The following ZFP14 variants were observed in gnomAD, a reference collection of about 807,000 sequenced individuals.
The protein encoded by ZFP14 is zinc finger protein 14 homolog.
A neutral mutation model predicts 54.5 loss-of-function variants in ZFP14; 22 were observed. That is an observed-to-expected ratio of 0.40 (90% CI 0.29 to 0.58). ZFP14 has a LOEUF of 0.58. ZFP14 is among the 20% of genes least tolerant of loss of function. The pLI is 0.39. For synonymous variants in ZFP14, 159 were observed against 204.0 expected, an observed-to-expected ratio of 0.78 and a Z score of 1.88; for missense variants, 470 against 637.8, an observed-to-expected ratio of 0.74 and a Z score of 2.83.
intron 1 of ZFP14, among the ~76,000 whole-genome samples, chr19:36,371,037 C>A (rs1053432163): frequency 2.6e-5 from 4 of 151,944 alleles, no homozygotes; most frequent in Non-Finnish European, 5.9e-5. Context: ...CCGAGGCAGG[C>A]GGATCACGAG....
In ZFP14 at chr19:36,337,826, T is replaced by C. The variant is rs1019222758; in HGVS notation, c.*2398A>G. 1 of 152,200 alleles carries C rather than the reference T, an allele frequency of 6.6e-6. No individual in the cohort carries two copies. The highest frequency in any genetic ancestry group is 1.5e-5 in the Non-Finnish European group (1 of 68,046). The allele number at this position is 152,200 out of a possible 1,614,324, so 9.4% of individuals were successfully genotyped here. A position where few individuals can be genotyped will look rare whatever the true frequency, so the allele number is the denominator to read the frequency against. The stretch of plus-strand genomic sequence containing the variant: ...AAGGGTTCAGAGGTGGCCAGTTTGA[T>C]AGATCCACCATAAAAATCTCGCTAT... On this transcript the variant is annotated 3_prime_UTR_variant, in exon 5 of 5. Coordinates refer to ENST00000270001, the MANE Select transcript of ZFP14 (RefSeq NM_020917.3).
rs117562901 is a variant in ZFP14, at chr19:36,347,170, C to T, written c.236-5580G>A. ...CCTGCCAGCATCCATGACACTACGGCAAGCTAACTTGTCAGCTTGCAAGTA... is the reference window on the plus strand; with the variant it reads ...CCTGCCAGCATCCATGACACTACGGTAAGCTAACTTGTCAGCTTGCAAGTA... On this transcript the variant is annotated intron_variant, in intron 4 of 4. Coordinates refer to ENST00000270001, the MANE Select transcript of ZFP14 (RefSeq NM_020917.3). Among the ~76,000 whole-genome samples, 16 of 152,260 alleles carry T rather than the reference C, an allele frequency of 1.1e-4. 1 individual carries two copies. In the East Asian group the frequency reaches 2.7e-3, roughly 26 times the overall value.
chr19:36,340,391 G>T lies in ZFP14; in HGVS notation c.1435C>A (p.Pro479Thr). Residue 479 changes from proline (P) to threonine (T), a missense_variant, in exon 5 of 5, where the codon CCT (proline) becomes ACT (threonine). Pro to Thr is a conservative substitution (Grantham distance 38). Coordinates refer to ENST00000270001, the MANE Select transcript of ZFP14 (RefSeq NM_020917.3). The surrounding 1 kb of genome is among the most constrained non-coding windows in gnomAD (Gnocchi z 5.4). ...TTACCACATTCCTTACATTCATAAGGTTTCTCACCAGTGTGAATACTCTGA... is the reference window on the plus strand; with the variant it reads ...TTACCACATTCCTTACATTCATAAGTTTTCTCACCAGTGTGAATACTCTGA... ...QHQSIHTGEK[P>T]YECKECGKAF... is the part of the protein sequence containing the mutation. 6.2e-7 allele frequency: 1 copy of T among 1,614,084 alleles called. No individual in the cohort carries two copies. Among genetic ancestry groups the T allele is most frequent in the Non-Finnish European group, 8.5e-7 (1 of 1,180,026 alleles).
At chr19:36,378,146 G>A (rs2031992598) in intron 1 of ZFP14, 1 of 152,234 alleles carries the variant, frequency 6.6e-6, no homozygotes, top group Non-Finnish European at 1.5e-5. Context: ...CCAGCTGAAA[G>A]ATTCTAAGGA....
intron 2 of ZFP14, among the ~76,000 whole-genome samples, chr19:36,367,590 C>T (rs1231908441): frequency 1.3e-5 from 2 of 152,084 alleles, no homozygotes; most frequent in Non-Finnish European, 2.9e-5. Flanking sequence ...CAGCAATTCT[C>T]CTGCCTCAGC....
In ZFP14 at chr19:36,340,092, G is replaced by T. The variant is rs1403811840; in HGVS notation, c.*132C>A. The T allele has an allele frequency of 1.0e-6, 1 of 973,808 alleles. No homozygotes were observed. Among genetic ancestry groups the T allele is most frequent in the African/African-American group, 1.6e-5 (1 of 60,690 alleles). 60.3% of individuals were successfully genotyped at this position (973,808 alleles called of 1,614,324 possible). Reference sequence around the variant, plus strand: ...AAACCATGTTTAAATGGTGTTGGAAGGCTTTTAAATCAACATATTCTTTCT... The same window carrying T: ...AAACCATGTTTAAATGGTGTTGGAATGCTTTTAAATCAACATATTCTTTCT... On this transcript the variant is annotated 3_prime_UTR_variant, in exon 5 of 5. Transcript: ENST00000270001. The surrounding 1 kb of genome is among the most constrained non-coding windows in gnomAD (Gnocchi z 5.4).
chr19:36,345,291 T>A (rs1404902520), intron 4 of ZFP14, among the ~76,000 whole-genome samples: 1 of 152,148 alleles, frequency 6.6e-6, no homozygotes, highest in Admixed American at 6.6e-5. Flanking sequence ...TGTTCCTTCA[T>A]ATCCTCCCCA....
intron 4 of ZFP14, among the ~76,000 whole-genome samples, chr19:36,345,062 G>C (rs1276898343): frequency 6.6e-6 from 1 of 152,124 alleles, no homozygotes; most frequent in Admixed American, 6.5e-5. Flanking sequence ...GGGAGTTCGA[G>C]AACAGCCTGA....
At chr19:36,361,305 T>C (rs752102876) in intron 3 of ZFP14, among the ~76,000 whole-genome samples, 1 of 152,140 alleles carries the variant, frequency 6.6e-6, no homozygotes, top group Non-Finnish European at 1.5e-5. Context: ...AATGGCGCGA[T>C]CTCAACTCAC....
rs1359927026 is a variant in ZFP14 at position 36,357,434 on chromosome 19, T to C, written c.235+3001A>G. ...TTGGGACACTCATCACTGTCCTGTT[T>C]CCCTCTAAAAACTTTATGATTGTAG... On this transcript the variant is annotated intron_variant, in intron 4 of 4. Coordinates refer to ENST00000270001, the MANE Select transcript of ZFP14 (RefSeq NM_020917.3). 2.6e-5 allele frequency among the ~76,000 whole-genome samples: 4 copies of C among 152,220 alleles called. No homozygotes were observed. The East Asian group carries it at 7.7e-4, about 29-fold the overall frequency.
In ZFP14 at chr19:36,340,130, T is replaced by G. The variant is rs2031281664; in HGVS notation, c.*94A>C. On this transcript the variant is annotated 3_prime_UTR_variant, in exon 5 of 5. Coordinates refer to ENST00000270001, the MANE Select transcript of ZFP14 (RefSeq NM_020917.3). The surrounding 1 kb of genome is among the most constrained non-coding windows in gnomAD (Gnocchi z 5.4). ...ACATATTCTTTCTCTAATATAAAAT[T>G]TATTATGCTTGGAATTGAGCATGAA... The G allele has an allele frequency of 2.3e-6, 3 of 1,283,290 alleles. No individual in the cohort carries two copies. The highest frequency in any genetic ancestry group is 3.1e-6 in the Non-Finnish European group (3 of 966,868). 79.5% of individuals were successfully genotyped at this position (1,283,290 alleles called of 1,614,324 possible). A position where few individuals can be genotyped will look rare whatever the true frequency, so the allele number is the denominator to read the frequency against.
At chr19:36,359,259 T>G (rs540858159) in intron 4 of ZFP14, among the ~76,000 whole-genome samples, 1 of 152,338 alleles carries the variant, frequency 6.6e-6, no homozygotes, top group East Asian at 1.9e-4. Context: ...ATCATTATAT[T>G]TGATTTGTTA....
intron 2 of ZFP14, 148 bp from the exon 3 acceptor site, chr19:36,362,386 C>G: frequency 1.4e-6 from 1 of 738,778 alleles, no homozygotes; most frequent in Non-Finnish European, 2.1e-6. Context: ...GAGTAGGGGC[C>G]AGTAAGAAAA....
Position 36,340,787 on chromosome 19 carries a change from T to C in ZFP14, c.1039A>G (p.Lys347Glu). 1 of 1,614,112 alleles carries C rather than the reference T, an allele frequency of 6.2e-7. No homozygotes were observed. The highest frequency in any genetic ancestry group is 8.5e-7 in the Non-Finnish European group (1 of 1,180,004). Residue 347 changes from lysine (K) to glutamate (E), a missense_variant, in exon 5 of 5, where the codon AAG (lysine) becomes GAG (glutamate). Coordinates refer to ENST00000270001, the MANE Select transcript of ZFP14 (RefSeq NM_020917.3). This position sits in a 1 kb window ranked among gnomAD's most constrained non-coding sequence, Gnocchi z 5.4. Reference sequence around the variant, plus strand: ...AGTTGTTGGCATATTCTAAAAGCCTTTCCACACTCCTTACATTCATAGGGT... The same window carrying C: ...AGTTGTTGGCATATTCTAAAAGCCTCTCCACACTCCTTACATTCATAGGGT... ...EKPYECKECG[K>E]AFRICQQLTV...
At chr19:36,372,891 A>G (rs192215064) in intron 1 of ZFP14, among the ~76,000 whole-genome samples, 237 of 152,354 alleles carry the variant, frequency 1.6e-3, no homozygotes, top group African/African-American at 5.0e-3. Flanking sequence ...TTGTGACAAC[A>G]CAGATGAATC....
chr19:36,349,147 T>G (rs1253343496), intron 4 of ZFP14, among the ~76,000 whole-genome samples: 1 of 143,216 alleles, frequency 7.0e-6, no homozygotes, highest in East Asian at 2.1e-4. Flanking sequence ...GAGAATCACT[T>G]GAACCCAGGA....
chr19:36,370,159 A>G (rs924816259), intron 1 of ZFP14, among the ~76,000 whole-genome samples: 1 of 152,206 alleles, frequency 6.6e-6, no homozygotes, highest in African/African-American at 2.4e-5. Context: ...ACTGGGTTGT[A>G]GCACAATAAT....
rs920446584 is a variant in ZFP14 at position 36,337,027 on chromosome 19, C to T, written c.*3197G>A. On this transcript the variant is annotated 3_prime_UTR_variant, in exon 5 of 5. Transcript: ENST00000270001. ...TTCATAGTATGTATCTCATATCATA[C>T]GATCTTTTATTTTTTATAATCACAC... 5 of 124,862 alleles carry T rather than the reference C, an allele frequency of 4.0e-5. No individual in the cohort carries two copies. Among genetic ancestry groups the T allele is most frequent in the Admixed American group, 8.3e-5 (1 of 12,086 alleles). 7.7% of individuals were successfully genotyped at this position (124,862 alleles called of 1,614,324 possible). A position where few individuals can be genotyped will look rare whatever the true frequency, so the allele number is the denominator to read the frequency against.
At chr19:36,367,180 G>A (rs867613225) in intron 2 of ZFP14, among the ~76,000 whole-genome samples, 16 of 151,784 alleles carry the variant, frequency 1.1e-4, no homozygotes, top group South Asian at 6.2e-4. Context: ...GTCATATTAT[G>A]TATTGGGGAC....
Sources: allele counts gnomAD v4.1 joint callset (sites outside exome capture counted in the v4.1 genomes callset), GRCh38; gene constraint gnomAD v4.1.1; non-coding constraint Gnocchi (gnomAD v3.1); transcripts MANE v1.5; gene names NCBI Gene and HGNC (gene_info 2026-07-23, HGNC 2026-07-21).